Variants in CHRM3 observed in about 807,000 individuals in gnomAD.
CHRM3 encodes cholinergic receptor muscarinic 3.
Under a neutral mutation model 41.8 loss-of-function variants are expected in CHRM3, and 11 were observed. The ratio of observed to expected loss-of-function variants is 0.26; its 90% CI spans 0.17 to 0.44. The LOEUF is 0.44. CHRM3 is among the 20% of genes least tolerant of loss of function. The pLI, the probability that CHRM3 is intolerant of heterozygous loss-of-function variation, is 1.00. For synonymous variants in CHRM3, 297 were observed against 301.4 expected (o/e 0.99, Z 0.15); for missense variants, 571 against 745.4 (o/e 0.77, Z 2.72).
At chr1:239,768,777 T>G (rs942115595) in intron 5 of CHRM3, among the ~76,000 whole-genome samples, 1 of 151,984 alleles carries the variant, frequency 6.6e-6, no homozygotes, top group African/African-American at 2.4e-5. Flanking sequence ...ATTTTTTTTT[T>G]TTTTTGAGAT....
chr1:239,386,607 G>A lies in CHRM3; in HGVS notation c.-1141G>A, dbSNP rs1230849755. ...AGTCCGGGGAGGAGGAGGAGCAGGA[G>A]GAACGCGAGGAGGAAGGAGAGGAGG... On this transcript the variant is annotated 5_prime_UTR_variant, in exon 1 of 7. Coordinates refer to ENST00000676153, the MANE Select transcript of CHRM3 (RefSeq NM_001375978.1). 1.9e-5 allele frequency: 3 copies of A among 153,938 alleles called. No individual in the cohort carries two copies. The highest frequency in any genetic ancestry group is 7.2e-5 in the African/African-American group (3 of 41,484). The allele number at this position is 153,938 out of a possible 1,614,324, so 9.5% of individuals were successfully genotyped here. A position where few individuals can be genotyped will look rare whatever the true frequency, so the allele number is the denominator to read the frequency against.
At chr1:239,495,962 C>G (rs906539027) in intron 2 of CHRM3, among the ~76,000 whole-genome samples, 5 of 152,098 alleles carry the variant, frequency 3.3e-5, no homozygotes, top group African/African-American at 1.2e-4. Flanking sequence ...AGCATACCTA[C>G]TATCATTGGG....
chr1:239,768,318 G>T (rs532718), intron 5 of CHRM3, among the ~76,000 whole-genome samples: 110,781 of 151,754 alleles, frequency 0.73, 40,794 homozygotes, highest in African/African-American at 0.75. Context: ...TCAGATTTTT[G>T]GGGGGAAAAC....
intron 6 of CHRM3, among the ~76,000 whole-genome samples, chr1:239,893,733 T>TAA (rs5782109): frequency 7.8e-6 from 1 of 128,634 alleles, no homozygotes; most frequent in African/African-American, 2.9e-5. Context: ...TTTGAAATCA[T>TAA]AAAAAAAAAA....
In CHRM3 at chr1:239,641,992, C is replaced by T. The variant is rs537905014; in HGVS notation, c.-250+9706C>T. Among the ~76,000 whole-genome samples the T allele has an allele frequency of 2.4e-5, 3 of 127,160 alleles. No homozygotes were observed. The South Asian group carries it at 8.0e-4, about 34-fold the overall frequency. 83.4% of individuals were successfully genotyped at this position (127,160 alleles called of 152,430 possible). A position where few individuals can be genotyped will look rare whatever the true frequency, so the allele number is the denominator to read the frequency against. On this transcript the variant is annotated intron_variant, in intron 4 of 6. Coordinates refer to ENST00000676153, the MANE Select transcript of CHRM3 (RefSeq NM_001375978.1). ...ACAAAATCTCTCAGCATTTGCTTGT[C>T]TGTAAAGAATTTTATTTCTCCTCCA...
intron 6 of CHRM3, among the ~76,000 whole-genome samples, chr1:239,886,906 C>G (rs539673011): frequency 2.6e-5 from 4 of 152,108 alleles, no homozygotes; most frequent in Non-Finnish European, 5.9e-5. Flanking sequence ...TTTATCAAAG[C>G]GACCTTTTCT....
At chr1:239,472,903 T>C (rs1041157608) in intron 1 of CHRM3, among the ~76,000 whole-genome samples, 6 of 152,230 alleles carry the variant, frequency 3.9e-5, no homozygotes, top group South Asian at 4.1e-4. Context: ...AAGAAAACTA[T>C]AGTTATTAAG....
chr1:239,744,048 A>T (rs769375505), intron 5 of CHRM3, among the ~76,000 whole-genome samples: 1 of 151,194 alleles, frequency 6.6e-6, no homozygotes, highest in Non-Finnish European at 1.5e-5. Context: ...GGTCTCAAGA[A>T]ATCCTTCCAC....
chr1:239,806,259 G>A (rs1254911782), intron 5 of CHRM3, among the ~76,000 whole-genome samples: 1 of 152,126 alleles, frequency 6.6e-6, no homozygotes, highest in Non-Finnish European at 1.5e-5. Flanking sequence ...AATTGCTTTG[G>A]CCTCATTTGC....
chr1:239,518,873 G>A (rs541347525), intron 2 of CHRM3, among the ~76,000 whole-genome samples: 1 of 152,252 alleles, frequency 6.6e-6, no homozygotes, highest in African/African-American at 2.4e-5. Context: ...ACAGACTAGT[G>A]AACTAATGTA....
chr1:239,456,268 A>G (rs1307042309), intron 1 of CHRM3, among the ~76,000 whole-genome samples: 1 of 152,094 alleles, frequency 6.6e-6, no homozygotes, highest in African/African-American at 2.4e-5. Context: ...ACTCACCCAG[A>G]GCAACTTCCA....
chr1:239,606,563 C>T lies in CHRM3; in HGVS notation c.-312-25661C>T, dbSNP rs1003299555. On this transcript the variant is annotated intron_variant, in intron 3 of 6. Transcript: ENST00000676153. ...TGCTGGGATTATAGGCGTGAGCCAT[C>T]GCGCCTGACCGTAGATTTCTAGTTT... is the stretch of plus-strand genomic sequence containing the variant. 5.3e-5 allele frequency among the ~76,000 whole-genome samples: 8 copies of T among 152,152 alleles called. No homozygotes were observed. The South Asian group carries it at 6.2e-4, about 12-fold the overall frequency.
At chr1:239,738,362 G>A (rs957792543) in intron 5 of CHRM3, among the ~76,000 whole-genome samples, 1 of 152,174 alleles carries the variant, frequency 6.6e-6, no homozygotes, top group African/African-American at 2.4e-5. Flanking sequence ...CAGCACCAGT[G>A]CCCTGTCGGG....
intron 1 of CHRM3, among the ~76,000 whole-genome samples, chr1:239,404,402 A>AGAGAG (rs1660326736): frequency 1.5e-5 from 1 of 64,710 alleles, no homozygotes. Flanking sequence ...GAAAGAAAGA[A>AGAGAG]AGAAAGAAAA....
At chr1:239,638,073 C>T (rs1477579869) in intron 4 of CHRM3, among the ~76,000 whole-genome samples, 1 of 151,606 alleles carries the variant, frequency 6.6e-6, no homozygotes, top group African/African-American at 2.4e-5. Context: ...TCATCCATGT[C>T]CCTACAAAGG....
At chr1:239,890,096 G>T (rs890365605) in intron 6 of CHRM3, among the ~76,000 whole-genome samples, 2 of 152,130 alleles carry the variant, frequency 1.3e-5, no homozygotes, top group Admixed American at 1.3e-4. Flanking sequence ...GAGGTCGGGA[G>T]TTTGAGACCA....
chr1:239,662,527 G>A (rs956100455), intron 4 of CHRM3, among the ~76,000 whole-genome samples: 12 of 152,028 alleles, frequency 7.9e-5, no homozygotes, highest in Admixed American at 1.3e-4. Flanking sequence ...TTTCTGTTGA[G>A]AACAGCACAA....
intron 3 of CHRM3, among the ~76,000 whole-genome samples, chr1:239,622,910 G>T (rs548766695): frequency 6.3e-4 from 96 of 152,116 alleles, no homozygotes; most frequent in Non-Finnish European, 8.5e-4. Flanking sequence ...AAGCTACAGA[G>T]AAATCTTTTA....
intron 2 of CHRM3, among the ~76,000 whole-genome samples, chr1:239,521,600 CTAAGT>C (rs1669642494): frequency 1.3e-5 from 2 of 152,114 alleles, no homozygotes; most frequent in African/African-American, 4.8e-5. Flanking sequence ...GTGAATTATG[CTAAGT>C]TGTCAAAAGA....
Sources: allele counts gnomAD v4.1 joint callset (sites outside exome capture counted in the v4.1 genomes callset), GRCh38; gene constraint gnomAD v4.1.1; transcripts MANE v1.5; gene names NCBI Gene and HGNC (gene_info 2026-07-23, HGNC 2026-07-21).